RB1CC1: variants seen among roughly 807,000 people sequenced by gnomAD.
RB1CC1 encodes RB1-inducible coiled-coil protein 1.
A neutral mutation model predicts 177.5 loss-of-function variants in RB1CC1; 46 were observed. That is an observed-to-expected ratio of 0.26 (90% confidence interval 0.20 to 0.33). The LOEUF (loss-of-function observed/expected upper bound fraction) is 0.33, where lower values mean the gene tolerates loss of function less well. RB1CC1 is among the 10% of genes least tolerant of loss of function. The pLI is 1.00. For missense variants in RB1CC1, 1,703 were observed against 1,816.3 expected (o/e 0.94, Z 1.13); for synonymous variants, 666 against 613.6 (o/e 1.09, Z -1.26).
chr8:52,639,268 T>A (rs1026296834), intron 18 of RB1CC1, among the ~76,000 whole-genome samples: 1 of 152,176 alleles, frequency 6.6e-6, no homozygotes, highest in East Asian at 1.9e-4. Context: ...GCATTTTTGT[T>A]AAATTAATTA....
rs1855693493 is a variant in RB1CC1 at position 52,698,669 on chromosome 8, G to GTTTTTTTTTTTTTTTTTT, written c.-166-11703_-166-11702insAAAAAAAAAAAAAAAAAA. On this transcript the variant is annotated intron_variant, in intron 1 of 23. Coordinates refer to ENST00000025008, the MANE Select transcript of RB1CC1 (RefSeq NM_014781.5). ...AACAAAAACTGTATATGTAATGGTT[G>GTTTTTTTTTTTTTTTTTT]GTTTTTTTTTTTTTTTTTTTTTTTT... 1.8e-4 allele frequency among the ~76,000 whole-genome samples: 4 copies of GTTTTTTTTTTTTTTTTTT among 22,770 alleles called. 2 individuals are homozygous for GTTTTTTTTTTTTTTTTTT. Among genetic ancestry groups the GTTTTTTTTTTTTTTTTTT allele is most frequent in the East Asian group, 2.7e-3 (2 of 730 alleles). The allele number at this position is 22,770 out of a possible 152,430, so 14.9% of individuals were successfully genotyped here. A position where few individuals can be genotyped will look rare whatever the true frequency, so the allele number is the denominator to read the frequency against.
intron 22 of RB1CC1, among the ~76,000 whole-genome samples, chr8:52,625,695 G>A (rs1314274094): frequency 3.9e-5 from 6 of 152,224 alleles, no homozygotes; most frequent in Non-Finnish European, 8.8e-5. Context: ...CTAACAAAAA[G>A]CATATTTTAA....
intron 18 of RB1CC1, among the ~76,000 whole-genome samples, chr8:52,637,115 A>G (rs1238379039): frequency 6.6e-6 from 1 of 152,154 alleles, no homozygotes; most frequent in Admixed American, 6.6e-5. Flanking sequence ...GCAACATAAC[A>G]CAGTTCAGAT....
chr8:52,627,921 G>A (rs1848507698), intron 22 of RB1CC1, 111 bp downstream of exon 22: 2 of 906,612 alleles, frequency 2.2e-6, no homozygotes, highest in Non-Finnish European at 3.2e-6. Context: ...ATTACACAGG[G>A]TTCCCTCTTA....
intron 8 of RB1CC1, among the ~76,000 whole-genome samples, chr8:52,664,411 G>A (rs887511664): frequency 9.9e-5 from 15 of 151,936 alleles, no homozygotes; most frequent in Non-Finnish European, 1.9e-4. Context: ...TAATTGTCTC[G>A]AAATGTTTAA....
chr8:52,642,528 T>G lies in RB1CC1; in HGVS notation c.4160A>C (p.Glu1387Ala). 1 of 1,614,090 alleles carries G rather than the reference T, an allele frequency of 6.2e-7. No individual in the cohort carries two copies. The highest frequency in any genetic ancestry group is 8.5e-7 in the Non-Finnish European group (1 of 1,179,988). Residue 1387 changes from glutamate (E) to alanine (A), a missense_variant, in exon 18 of 24, where the codon GAA becomes GCA. Glu to Ala is a moderately radical substitution (Grantham distance 107). Transcript: ENST00000025008. ...RLLEEKKKLE[E>A]EVSKLRSSSF... ...GCTACTACGCAACTTACTGACTTCT[T>G]CTTCAAGCTTTTTCTTTTCCTCAAG...
chr8:52,706,361 C>CTTTTT (rs71252955), intron 1 of RB1CC1, among the ~76,000 whole-genome samples: 1 of 138,394 alleles, frequency 7.2e-6, no homozygotes, highest in African/African-American at 2.6e-5. Flanking sequence ...CAACTGTTAT[C>CTTTTT]TTTTTTTTTT....
At chr8:52,700,392 G>A (rs990528143) in intron 1 of RB1CC1, among the ~76,000 whole-genome samples, 4 of 123,890 alleles carry the variant, frequency 3.2e-5, no homozygotes, top group Non-Finnish European at 4.8e-5. Context: ...GTGTGGTGAC[G>A]CACACCTGTA....
chr8:52,638,970 A>G (rs1442223970), intron 18 of RB1CC1, among the ~76,000 whole-genome samples: 1 of 152,130 alleles, frequency 6.6e-6, no homozygotes, highest in African/African-American at 2.4e-5. Flanking sequence ...AATACTATCT[A>G]TGTAGTTTAA....
rs762237724 is a variant in RB1CC1, at chr8:52,657,939, T to G, written c.1921-31A>C. 32 of 1,612,498 alleles carry G rather than the reference T, an allele frequency of 2.0e-5. No homozygotes were observed. The African/African-American group carries it at 4.3e-4, about 22-fold the overall frequency. On this transcript the variant is annotated intron_variant, in intron 14 of 23. Coordinates refer to ENST00000025008, the MANE Select transcript of RB1CC1 (RefSeq NM_014781.5). Reference sequence around the variant, plus strand: ...AAACAGAAAGAAAGGCTTAAAGAGCTGCAGGAACACAAACATTTTACACTA... The same window carrying G: ...AAACAGAAAGAAAGGCTTAAAGAGCGGCAGGAACACAAACATTTTACACTA...
intron 6 of RB1CC1, among the ~76,000 whole-genome samples, chr8:52,675,902 AAAAAG>A (rs1470889623): frequency 1.3e-5 from 2 of 151,180 alleles, no homozygotes; most frequent in Admixed American, 6.6e-5. Flanking sequence ...AAAAAAAAAA[AAAAAG>A]AAAAGAAAAC....
Position 52,692,248 on chromosome 8 carries a change from G to C in RB1CC1, c.-166-5281C>G, listed in dbSNP as rs570591035. 5.4e-3 allele frequency among the ~76,000 whole-genome samples: 827 copies of C among 152,056 alleles called. 7 individuals carry two copies. The highest frequency in any genetic ancestry group is 0.019 in the African/African-American group (795 of 41,504). ...AAATAATAAAACTGTCTGCTCTCATGAATTTTAATATCATAGTGGGCAACA... is the reference window on the plus strand; with the variant it reads ...AAATAATAAAACTGTCTGCTCTCATCAATTTTAATATCATAGTGGGCAACA... On this transcript the variant is annotated intron_variant, in intron 1 of 23. Coordinates refer to ENST00000025008, the MANE Select transcript of RB1CC1 (RefSeq NM_014781.5).
chr8:52,686,527 C>G (rs1347590557), intron 2 of RB1CC1, among the ~76,000 whole-genome samples: 1 of 151,686 alleles, frequency 6.6e-6, no homozygotes, highest in Non-Finnish European at 1.5e-5. Context: ...GCCTGGGCAA[C>G]AGAGAAAGGC....
intron 20 of RB1CC1, among the ~76,000 whole-genome samples, chr8:52,631,455 C>T (rs2150379909): frequency 6.6e-6 from 1 of 152,224 alleles, no homozygotes; most frequent in African/African-American, 2.4e-5. Context: ...ATCAAACAGG[C>T]CATCTGGAGG....
At chr8:52,660,484 A>AT (rs748261136) in intron 12 of RB1CC1, 112 bp downstream of exon 12, 78 of 1,048,646 alleles carry the variant, frequency 7.4e-5, no homozygotes, top group Non-Finnish European at 9.6e-5. Flanking sequence ...TTTTATTTTG[A>AT]TTTTTTTTAA....
At position 52,645,818 on chromosome 8, in the gene RB1CC1, G is replaced by A; in HGVS notation, c.3871C>T (p.Leu1291Phe). ...RGDSSSLVAE[L>F]QEKLQEEKAK... is the part of the protein sequence containing the mutation. ...TTTTCTTCCTGAAGCTTTTCTTGAA[G>A]TTCAGCAACTAAGCTTGAAGAATCT... Residue 1291 changes from leucine to phenylalanine, a missense_variant, in exon 16 of 24, where the codon CTT becomes TTT. Coordinates refer to ENST00000025008, the MANE Select transcript of RB1CC1 (RefSeq NM_014781.5). 6.2e-7 allele frequency: 1 copy of A among 1,610,156 alleles called. No homozygotes were observed. The highest frequency in any genetic ancestry group is 2.2e-5 in the East Asian group (1 of 44,660).
At chr8:52,651,137 G>A (rs1225520167) in intron 15 of RB1CC1, among the ~76,000 whole-genome samples, 1 of 152,200 alleles carries the variant, frequency 6.6e-6, no homozygotes, top group East Asian at 1.9e-4. Context: ...ACAAGAGGAG[G>A]GACAATGTGG....
At chr8:52,713,524 C>T (rs1032787000) in intron 1 of RB1CC1, among the ~76,000 whole-genome samples, 1 of 152,200 alleles carries the variant, frequency 6.6e-6, no homozygotes, top group Non-Finnish European at 1.5e-5. Flanking sequence ...TATACCGATC[C>T]TCGCACTCTG....
At chr8:52,687,989 C>T (rs1854432979) in intron 1 of RB1CC1, among the ~76,000 whole-genome samples, 1 of 152,206 alleles carries the variant, frequency 6.6e-6, no homozygotes, top group African/African-American at 2.4e-5. Context: ...GTGAACATTT[C>T]ATGGACATTT....
Sources: allele counts gnomAD v4.1 joint callset (sites outside exome capture counted in the v4.1 genomes callset), GRCh38; gene constraint gnomAD v4.1.1; transcripts MANE v1.5; gene names NCBI Gene and HGNC (gene_info 2026-07-23, HGNC 2026-07-21).